The following ESS2 variants were observed in gnomAD, a reference collection of about 807,000 sequenced individuals.
The protein encoded by ESS2 is ess-2 spliceosome associated protein.
A neutral mutation model predicts 52.0 loss-of-function variants in ESS2; 31 were observed. That is an observed-to-expected ratio of 0.60 (90% CI 0.45 to 0.81). The LOEUF (loss-of-function observed/expected upper bound fraction) is 0.81. Among genes scored for constraint, ESS2 ranks in the 30% least tolerant of loss-of-function variants. The pLI is 0.00. For missense variants in ESS2, 602 were observed against 637.2 expected (o/e 0.94, Z 0.59); for synonymous variants, 285 against 259.2 (o/e 1.10, Z -0.95).
At chr22:19,138,862 C>T (rs991248492) in intron 6 of ESS2, among the ~76,000 whole-genome samples, 7 of 152,222 alleles carry the variant, frequency 4.6e-5, no homozygotes, top group Admixed American at 4.6e-4. Flanking sequence ...CTTCCCTGCC[C>T]GGTGTGTGGG....
chr22:19,141,332 TAAGA>T (rs913673901), intron 3 of ESS2, among the ~76,000 whole-genome samples: 3 of 152,196 alleles, frequency 2.0e-5, no homozygotes, highest in Non-Finnish European at 4.4e-5. Context: ...TACAAACTGA[TAAGA>T]AAGAGTGTCT....
chr22:19,143,928 C>A lies in ESS2; in HGVS notation c.135+578G>T, dbSNP rs768423163. The stretch of plus-strand genomic sequence containing the variant: ...CAGTCACTACCACAAGTTGAGATTC[C>A]CAAGTCTGCACCTCCAGCCAGACCT... On this transcript the variant is annotated intron_variant, in intron 1 of 9. Coordinates refer to ENST00000252137, the MANE Select transcript of ESS2 (RefSeq NM_022719.3). 372 of 481,108 alleles carry A rather than the reference C, an allele frequency of 7.7e-4. 1 individual carries two copies. The highest frequency in any genetic ancestry group is 8.9e-4 in the Non-Finnish European group (329 of 369,218). The allele number at this position is 481,108 out of a possible 1,614,324, so 29.8% of individuals were successfully genotyped here.
intron 6 of ESS2, 88 bp from the exon 7 acceptor site, chr22:19,138,405 A>G (rs1272218906): frequency 8.2e-7 from 1 of 1,220,426 alleles, no homozygotes; most frequent in Non-Finnish European, 1.2e-6. Flanking sequence ...AACATGCTGG[A>G]AACACTTCCT....
In ESS2 at chr22:19,144,488, T is replaced by A. The variant is rs201421834; in HGVS notation, c.135+18A>T. On this transcript the variant is annotated intron_variant, in intron 1 of 9. Transcript: ENST00000252137. ...AGGATGGGCCCAGAAGTCGCCGGCG[T>A]CCGCACCGAGGTCGTACCTCGATAT... The A allele has an allele frequency of 2.4e-5, 38 of 1,611,388 alleles. No homozygotes were observed. The highest frequency in any genetic ancestry group is 3.3e-4 in the Middle Eastern group (2 of 6,054).
intron 2 of ESS2, 37 bp downstream of exon 2, chr22:19,142,689 G>A: frequency 6.2e-7 from 1 of 1,610,386 alleles, no homozygotes; most frequent in South Asian, 1.1e-5. Context: ...CAGTTCAGCA[G>A]GCTTTCCCCT....
At chr22:19,138,819 C>G (rs1030640858) in intron 6 of ESS2, among the ~76,000 whole-genome samples, 8 of 152,180 alleles carry the variant, frequency 5.3e-5, no homozygotes, top group African/African-American at 1.9e-4. Context: ...CCCAGCCACC[C>G]CCTGGGGCTG....
Position 19,132,723 on chromosome 22 carries a change from G to C in ESS2, c.*1473C>G, listed in dbSNP as rs894032490. ...AAGCATCAAGAGTGCCCAGTGAGGA[G>C]TGTTTTTCTCTGGGACTCAGCCAAC... On this transcript the variant is annotated 3_prime_UTR_variant, in exon 10 of 10. Transcript: ENST00000252137. The surrounding 1 kb of genome is among the most constrained non-coding windows in gnomAD (Gnocchi z 4.2). 2 of 502,742 alleles carry C rather than the reference G, an allele frequency of 4.0e-6. No individual in the cohort carries two copies. Among genetic ancestry groups the C allele is most frequent in the African/African-American group, 3.9e-5 (2 of 51,720 alleles). 31.1% of individuals were successfully genotyped at this position (502,742 alleles called of 1,614,324 possible).
rs1215856538 is a variant in ESS2, at chr22:19,133,023, C to T, written c.*1173G>A. ...TCACAATCCCTCGCTCAGCATCCTC[C>T]TCTTCCTCTATTTCCTGGAGTCATG... On this transcript the variant is annotated 3_prime_UTR_variant, in exon 10 of 10. Coordinates refer to ENST00000252137, the MANE Select transcript of ESS2 (RefSeq NM_022719.3). The T allele has an allele frequency of 6.5e-6, 1 of 154,544 alleles. No individual in the cohort carries two copies. The highest frequency in any genetic ancestry group is 1.9e-4 in the East Asian group (1 of 5,208). 9.6% of individuals were successfully genotyped at this position (154,544 alleles called of 1,614,324 possible).
At chr22:19,142,411 A>G (rs1243977265) in intron 3 of ESS2, 127 bp downstream of exon 3, 2 of 824,088 alleles carry the variant, frequency 2.4e-6, no homozygotes, top group Non-Finnish European at 3.8e-6. Flanking sequence ...ACAGGCTGCT[A>G]TTTACGCAAG....
At position 19,138,874 on chromosome 22, in the gene ESS2, G is replaced by A. The variant is rs150391374; in HGVS notation, c.822+285C>T. The stretch of plus-strand genomic sequence containing the variant: ...TGGCTTCCCTGCCCGGTGTGTGGGC[G>A]TGCAGCTGCCAGCCTGGGCTCACTC... On this transcript the variant is annotated intron_variant, in intron 6 of 9. Transcript: ENST00000252137. 4.2e-3 allele frequency among the ~76,000 whole-genome samples: 637 copies of A among 152,304 alleles called. 4 individuals carry two copies. Among genetic ancestry groups the A allele is most frequent in the Non-Finnish European group, 7.2e-3 (492 of 68,016 alleles).
intron 1 of ESS2, among the ~76,000 whole-genome samples, chr22:19,143,202 CAAAAAAAAA>C (rs10632625): frequency 3.5e-5 from 4 of 113,056 alleles, no homozygotes; most frequent in Non-Finnish European, 5.2e-5. Flanking sequence ...GAGACCGTCT[CAAAAAAAAA>C]AAAAAAAAAG....
At position 19,131,249 on chromosome 22, in the gene ESS2, C is replaced by G; in HGVS notation, c.*2947G>C. 3 of 653,256 alleles carry G rather than the reference C, an allele frequency of 4.6e-6. No homozygotes were observed. The highest frequency in any genetic ancestry group is 3.9e-5 in the South Asian group (2 of 50,914). 40.5% of individuals were successfully genotyped at this position (653,256 alleles called of 1,614,324 possible). ...TATGAGTTCATTGGCTGAAGTCACCCGGAGACAATGCTGAGTGTTCCACCC... is the reference window on the plus strand; with the variant it reads ...TATGAGTTCATTGGCTGAAGTCACCGGGAGACAATGCTGAGTGTTCCACCC... On this transcript the variant is annotated 3_prime_UTR_variant, in exon 10 of 10. Transcript: ENST00000252137. The surrounding 1 kb of genome is among the most constrained non-coding windows in gnomAD (Gnocchi z 5.7).
intron 8 of ESS2, among the ~76,000 whole-genome samples, chr22:19,136,048 A>T: frequency 6.6e-6 from 1 of 150,492 alleles, no homozygotes; most frequent in African/African-American, 2.4e-5. Flanking sequence ...AAAAAAAAAA[A>T]AAAAAAAGAG....
At chr22:19,134,885 C>T (rs1356987902) in intron 9 of ESS2, among the ~76,000 whole-genome samples, 175 bp downstream of exon 9, 1 of 152,202 alleles carries the variant, frequency 6.6e-6, no homozygotes, top group Non-Finnish European at 1.5e-5. Flanking sequence ...CTCATCCTGT[C>T]CATGTGCGGC....
chr22:19,143,235 G>A (rs1429215964), intron 1 of ESS2, among the ~76,000 whole-genome samples: 2 of 149,774 alleles, frequency 1.3e-5, no homozygotes, highest in South Asian at 2.1e-4. Flanking sequence ...AAAGAAAGTC[G>A]GAGCTGCAGT....
At chr22:19,135,767 C>T (rs1024321863) in intron 8 of ESS2, among the ~76,000 whole-genome samples, 2 of 152,142 alleles carry the variant, frequency 1.3e-5, no homozygotes, top group African/African-American at 2.4e-5. Flanking sequence ...GTGGCTCACA[C>T]CTGGAACCTC....
In ESS2 at chr22:19,142,861, G is replaced by C. The variant is rs977468788; in HGVS notation, c.169C>G (p.Pro57Ala). The C allele has an allele frequency of 2.5e-6, 4 of 1,613,968 alleles. No homozygotes were observed. Among genetic ancestry groups the C allele is most frequent in the Non-Finnish European group, 3.4e-6 (4 of 1,179,998 alleles). The change falls in exon 2 of 10, where the codon CCT (proline) becomes GCT (alanine). Residue 57 changes from proline (P) to alanine (A), a missense_variant. Physicochemically the swap from Pro to Ala is conservative, Grantham distance 27 (BLOSUM62 -1). Coordinates refer to ENST00000252137, the MANE Select transcript of ESS2 (RefSeq NM_022719.3). Reference protein sequence around the residue: ...LQTVIQRDFFPDVEKLQAQKE... With the variant: ...LQTVIQRDFFADVEKLQAQKE... ...TGTGCCTGGAGCTTCTCCACATCAG[G>C]AAAGAAATCCCTTTGGATGACCGTC...
chr22:19,139,113 C>T (rs774828415), intron 6 of ESS2, 46 bp downstream of exon 6: 2 of 1,546,550 alleles, frequency 1.3e-6, no homozygotes, highest in African/African-American at 1.4e-5. Flanking sequence ...CCCCAGGCAG[C>T]CCTGTCCAAC....
At chr22:19,141,121 GA>G (rs202201984) in intron 3 of ESS2, among the ~76,000 whole-genome samples, 1,495 of 131,478 alleles carry the variant, frequency 0.011, 20 homozygotes, top group African/African-American at 0.033. Context: ...ATCTCTATAG[GA>G]AAAAAAAAAA....
Sources: gnomAD v4.1 joint callset for allele counts (sites outside exome capture counted in the v4.1 genomes callset) on GRCh38, gnomAD v4.1.1 for gene constraint, Gnocchi (gnomAD v3.1) non-coding constraint, MANE v1.5 for transcripts, NCBI Gene and HGNC (gene_info 2026-07-23, HGNC 2026-07-21) for gene names.